CADPS: variants seen among roughly 807,000 people sequenced by gnomAD.
CADPS encodes the protein calcium dependent secretion activator.
Under a neutral mutation model 167.3 loss-of-function variants are expected in CADPS, and 57 were observed. That is an observed-to-expected ratio of 0.34 (90% CI 0.28 to 0.42). CADPS has a LOEUF of 0.42. CADPS is among the 20% of genes least tolerant of loss of function. The pLI is 1.00. For synonymous variants in CADPS, 676 were observed against 635.3 expected, an observed-to-expected ratio of 1.06 and a Z score of -0.96; for missense variants, 1,414 against 1,738.1, an observed-to-expected ratio of 0.81 and a Z score of 3.32.
intron 8 of CADPS, among the ~76,000 whole-genome samples, chr3:62,584,203 C>T (rs528658861): frequency 6.6e-6 from 1 of 152,116 alleles, no homozygotes; most frequent in African/African-American, 2.4e-5. Flanking sequence ...GATGGAGTTT[C>T]ATCATGTTGG....
chr3:62,529,469 A>T (rs371000047), intron 13 of CADPS, among the ~76,000 whole-genome samples: 1 of 152,232 alleles, frequency 6.6e-6, no homozygotes, highest in Admixed American at 6.5e-5. Flanking sequence ...AAGCCTTGTC[A>T]TTCCGTCAGA....
intron 1 of CADPS, among the ~76,000 whole-genome samples, chr3:62,866,410 A>T (rs1364491757): frequency 6.6e-6 from 1 of 152,062 alleles, no homozygotes; most frequent in Admixed American, 6.6e-5. Context: ...CTTACTGAAC[A>T]CCTACTACAT....
chr3:62,427,035 A>G (rs1242087864), intron 28 of CADPS, among the ~76,000 whole-genome samples: 7 of 150,052 alleles, frequency 4.7e-5, no homozygotes, highest in Admixed American at 3.3e-4. Context: ...AGATTGCGCC[A>G]CTACACTCCA....
chr3:62,543,824 A>G (rs886154893), intron 11 of CADPS, among the ~76,000 whole-genome samples: 2 of 152,036 alleles, frequency 1.3e-5, no homozygotes, highest in Non-Finnish European at 2.9e-5. Flanking sequence ...TCCTCAACAC[A>G]TTTTTGGTTG....
intron 1 of CADPS, among the ~76,000 whole-genome samples, chr3:62,862,419 G>A (rs1053649816): frequency 6.6e-6 from 1 of 151,898 alleles, no homozygotes; most frequent in South Asian, 2.1e-4. Flanking sequence ...GTTTCACCAC[G>A]TTGGCCAGGA....
intron 2 of CADPS, among the ~76,000 whole-genome samples, chr3:62,760,883 T>C (rs144141810): frequency 6.6e-6 from 1 of 152,354 alleles, no homozygotes; most frequent in East Asian, 1.9e-4. Context: ...CTTCTGATAA[T>C]AGTACCTCAG....
intron 5 of CADPS, 51 bp from the exon 6 acceptor site, chr3:62,645,894 C>T: frequency 1.2e-6 from 2 of 1,604,454 alleles, no homozygotes; most frequent in South Asian, 2.2e-5. Flanking sequence ...CCCCTGGCAG[C>T]ATCGCCCAGA....
intron 1 of CADPS, among the ~76,000 whole-genome samples, chr3:62,784,482 A>G (rs2092184586): frequency 6.6e-6 from 1 of 152,196 alleles, no homozygotes; most frequent in South Asian, 2.1e-4. Flanking sequence ...ATAAAATAAC[A>G]GATGTAGGCA....
chr3:62,550,428 A>G (rs994298797), intron 10 of CADPS, among the ~76,000 whole-genome samples: 4 of 152,090 alleles, frequency 2.6e-5, no homozygotes, highest in Non-Finnish European at 5.9e-5. Flanking sequence ...AACACAAACA[A>G]AACAACAACA....
At chr3:62,864,698 T>C (rs986546855) in intron 1 of CADPS, among the ~76,000 whole-genome samples, 2 of 152,188 alleles carry the variant, frequency 1.3e-5, no homozygotes, top group Non-Finnish European at 2.9e-5. Context: ...TGACCTCATC[T>C]TAATCTTCCA....
chr3:62,676,279 T>A (rs17066801), intron 3 of CADPS, among the ~76,000 whole-genome samples: 5,519 of 152,232 alleles, frequency 0.036, 353 homozygotes, highest in African/African-American at 0.13. Flanking sequence ...CAGGTTAATA[T>A]CTCAGCAAGT....
At position 62,518,283 on chromosome 3, in the gene CADPS, C is replaced by A. The variant is rs750811514; in HGVS notation, c.2292-33G>T. 52 of 1,477,578 alleles carry A rather than the reference C, an allele frequency of 3.5e-5. No homozygotes were observed. The East Asian group carries it at 1.1e-3, about 31-fold the overall frequency. 91.5% of individuals were successfully genotyped at this position (1,477,578 alleles called of 1,614,324 possible). A position where few individuals can be genotyped will look rare whatever the true frequency, so the allele number is the denominator to read the frequency against. On this transcript the variant is annotated intron_variant, in intron 13 of 29. Transcript: ENST00000383710. ...AAGACATGTCATGAAATGACGGGAA[C>A]CTCATATGCTGACACCATCAAATCA... is the stretch of plus-strand genomic sequence containing the variant.
chr3:62,839,950 G>A (rs996447765), intron 1 of CADPS, among the ~76,000 whole-genome samples: 1 of 152,172 alleles, frequency 6.6e-6, no homozygotes, highest in Non-Finnish European at 1.5e-5. Context: ...CTGGGAGGGA[G>A]AGCTGAAGTG....
At chr3:62,777,622 G>C (rs1435166105) in intron 1 of CADPS, among the ~76,000 whole-genome samples, 1 of 152,166 alleles carries the variant, frequency 6.6e-6, no homozygotes, top group Non-Finnish European at 1.5e-5. Context: ...TGAATGATGG[G>C]GGAAACTGTT....
Position 62,514,391 on chromosome 3 carries a change from C to A in CADPS, c.2582-1623G>T, listed in dbSNP as rs2151621504. On this transcript the variant is annotated intron_variant, in intron 16 of 29. Transcript: ENST00000383710. This position sits in a 1 kb window ranked among gnomAD's most constrained non-coding sequence, Gnocchi z 4.2. ...AGAGGTCACATTAAAGTGGCTGAGCCAATCACGGACAAGGAAGGAGAGAAG... is the reference window on the plus strand; with the variant it reads ...AGAGGTCACATTAAAGTGGCTGAGCAAATCACGGACAAGGAAGGAGAGAAG... Among the ~76,000 whole-genome samples the A allele has an allele frequency of 6.6e-6, 1 of 151,928 alleles. No individual in the cohort carries two copies. Among genetic ancestry groups the A allele is most frequent in the Admixed American group, 6.6e-5 (1 of 15,236 alleles).
intron 6 of CADPS, among the ~76,000 whole-genome samples, chr3:62,627,916 C>T (rs1368120678): frequency 1.3e-5 from 2 of 152,164 alleles, no homozygotes; most frequent in East Asian, 3.9e-4. Context: ...ATGTGAAATT[C>T]TAATCGAGGA....
At chr3:62,442,056 C>T (rs537266366) in intron 27 of CADPS, among the ~76,000 whole-genome samples, 2 of 151,492 alleles carry the variant, frequency 1.3e-5, no homozygotes, top group South Asian at 2.1e-4. Flanking sequence ...ATTATGTGCC[C>T]ATTAAAAAAT....
At chr3:62,674,651 G>A (rs1409030608) in intron 3 of CADPS, among the ~76,000 whole-genome samples, 1 of 151,998 alleles carries the variant, frequency 6.6e-6, no homozygotes, top group Non-Finnish European at 1.5e-5. Context: ...TCCAACAGAT[G>A]GGAGAAAAAG....
intron 4 of CADPS, among the ~76,000 whole-genome samples, chr3:62,657,413 C>T (rs1010532361): frequency 2.6e-5 from 4 of 152,104 alleles, no homozygotes; most frequent in African/African-American, 4.8e-5. Flanking sequence ...CACTAAAATT[C>T]GGCCAAAAGA....
Sources: allele counts gnomAD v4.1 joint callset (sites outside exome capture counted in the v4.1 genomes callset), GRCh38; gene constraint gnomAD v4.1.1; non-coding constraint Gnocchi (gnomAD v3.1); transcripts MANE v1.5; gene names NCBI Gene and HGNC (gene_info 2026-07-23, HGNC 2026-07-21).